PAX5: variants seen among roughly 807,000 people sequenced by gnomAD.
PAX5 encodes paired box 5.
In PAX5, 9 loss-of-function variants were observed where a neutral mutation model predicts 43.7. That is an observed-to-expected ratio of 0.21 (90% CI 0.12 to 0.36). The LOEUF (loss-of-function observed/expected upper bound fraction) is 0.36. PAX5 is among the 10% of genes least tolerant of loss of function. The probability of loss-of-function intolerance (pLI) is 1.00; values close to 1 mark genes in which losing one functional copy is unlikely to be tolerated. For synonymous variants in PAX5, 228 were observed against 214.3 expected, an observed-to-expected ratio of 1.06 and a Z score of -0.56; for missense variants, 383 against 532.7, an observed-to-expected ratio of 0.72 and a Z score of 2.77.
At chr9:36,896,473 C>G (rs1184210467) in intron 7 of PAX5, among the ~76,000 whole-genome samples, 2 of 152,090 alleles carry the variant, frequency 1.3e-5, no homozygotes, top group African/African-American at 2.4e-5. Flanking sequence ...CCCACAGAGG[C>G]ACCTCCCAGG....
intron 3 of PAX5, among the ~76,000 whole-genome samples, chr9:37,012,613 C>T (rs1839039316): frequency 6.6e-6 from 1 of 152,226 alleles, no homozygotes; most frequent in Non-Finnish European, 1.5e-5. Context: ...CCACACATCC[C>T]ATGCCCCTTC....
chr9:36,854,799 G>A (rs1823500586), intron 8 of PAX5, among the ~76,000 whole-genome samples: 3 of 152,204 alleles, frequency 2.0e-5, no homozygotes, highest in Non-Finnish European at 2.9e-5. Context: ...GGCCAGCCAC[G>A]AGGGCCTTCA....
chr9:36,978,982 G>A (rs1835685878), intron 5 of PAX5, among the ~76,000 whole-genome samples: 1 of 152,178 alleles, frequency 6.6e-6, no homozygotes, highest in African/African-American at 2.4e-5. Context: ...CTGGTGAAAT[G>A]AAGCTGAAAT....
At chr9:36,857,322 T>C (rs1823775169) in intron 8 of PAX5, among the ~76,000 whole-genome samples, 1 of 152,242 alleles carries the variant, frequency 6.6e-6, no homozygotes, top group Non-Finnish European at 1.5e-5. Flanking sequence ...ACTCCTATAC[T>C]GGTGATGCTG....
At position 36,834,637 on chromosome 9, in the gene PAX5, A is replaced by G. The variant is rs140142013; in HGVS notation, c.*5923T>C. On this transcript the variant is annotated 3_prime_UTR_variant, in exon 10 of 10. Coordinates refer to ENST00000358127, the MANE Select transcript of PAX5 (RefSeq NM_016734.3). ...CAAATACAATAAAATAGTTTCATTA[A>G]AATGTATTCATGCTTGAAAAGAAGG... 756 of 233,306 alleles carry G rather than the reference A, an allele frequency of 3.2e-3. 6 individuals are homozygous for G. The highest frequency in any genetic ancestry group is 0.015 in the African/African-American group (683 of 45,466). The allele number at this position is 233,306 out of a possible 1,614,324, so 14.5% of individuals were successfully genotyped here.
intron 7 of PAX5, among the ~76,000 whole-genome samples, chr9:36,921,925 C>A (rs1249768084): frequency 6.6e-6 from 1 of 152,130 alleles, no homozygotes; most frequent in Non-Finnish European, 1.5e-5. Context: ...GGGAGGGGAC[C>A]CCCTCGGACA....
At chr9:36,984,253 C>T (rs187274216) in intron 5 of PAX5, among the ~76,000 whole-genome samples, 1 of 152,124 alleles carries the variant, frequency 6.6e-6, no homozygotes, top group African/African-American at 2.4e-5. Flanking sequence ...AAGAGCAAGG[C>T]AGGTGGGACT....
rs551775322 is a variant in PAX5 at position 36,996,568 on chromosome 9, G to A, written c.604+6080C>T. On this transcript the variant is annotated intron_variant, in intron 5 of 9. Transcript: ENST00000358127. ...CCATCCCTTCTGGGAGCTCTGAGAG[G>A]GCTCTCCCCACTTCCTGCTTCTGTT... is the stretch of plus-strand genomic sequence containing the variant. 1.4e-4 allele frequency among the ~76,000 whole-genome samples: 21 copies of A among 152,304 alleles called. No homozygotes were observed. The South Asian group carries it at 4.4e-3, about 32-fold the overall frequency.
chr9:37,001,875 T>C (rs1310450955), intron 5 of PAX5, among the ~76,000 whole-genome samples: 2 of 149,322 alleles, frequency 1.3e-5, no homozygotes, highest in African/African-American at 5.0e-5. Flanking sequence ...AGGGGGTCTT[T>C]TCTCCTCTCA....
chr9:36,949,559 T>C (rs1044711464), intron 6 of PAX5, among the ~76,000 whole-genome samples: 1 of 152,216 alleles, frequency 6.6e-6, no homozygotes, highest in Non-Finnish European at 1.5e-5. Context: ...TAAGCCTACA[T>C]TCACTTTTAT....
At chr9:36,849,729 C>T (rs1407726046) in intron 8 of PAX5, among the ~76,000 whole-genome samples, 4 of 152,226 alleles carry the variant, frequency 2.6e-5, no homozygotes, top group African/African-American at 9.6e-5. Flanking sequence ...AATGAGCCTA[C>T]CAGGGACTGG....
At chr9:36,904,945 A>G (rs1587928045) in intron 7 of PAX5, among the ~76,000 whole-genome samples, 1 of 152,358 alleles carries the variant, frequency 6.6e-6, no homozygotes, top group Middle Eastern at 3.4e-3. Context: ...CTAAGAAGAA[A>G]GTTAGGCTGG....
At chr9:37,032,227 C>G (rs3739442) in intron 1 of PAX5, among the ~76,000 whole-genome samples, 5,143 of 151,394 alleles carry the variant, frequency 0.034, 256 homozygotes, top group East Asian at 0.16. Context: ...AATGATTATT[C>G]AGGCAATTGA....
chr9:36,999,456 G>C lies in PAX5; in HGVS notation c.604+3192C>G, dbSNP rs565608254. Among the ~76,000 whole-genome samples the C allele has an allele frequency of 2.0e-5, 3 of 152,306 alleles. No individual in the cohort carries two copies. In the South Asian group the frequency reaches 6.2e-4, roughly 32 times the overall value. ...CTCGCCACCTTACCCTCTGTGGTTG[G>C]ATCCTATCACCCGTTCACCTCTGCA... On this transcript the variant is annotated intron_variant, in intron 5 of 9. Coordinates refer to ENST00000358127, the MANE Select transcript of PAX5 (RefSeq NM_016734.3).
Position 36,834,437 on chromosome 9 carries a change from TGTGTG to T in PAX5, c.*6118_*6122del, listed in dbSNP as rs1821502670. ...GAGTGAGTGTGTGTGTGTGTGTGTGTGTGTGTGTGTGTGTGTTTACATGCTCGTGC... is the reference window on the plus strand; with the variant it reads ...GAGTGAGTGTGTGTGTGTGTGTGTGTTGTGTGTGTGTTTACATGCTCGTGC... On this transcript the variant is annotated 3_prime_UTR_variant, in exon 10 of 10. Coordinates refer to ENST00000358127, the MANE Select transcript of PAX5 (RefSeq NM_016734.3). The T allele has an allele frequency of 6.0e-5, 14 of 233,336 alleles. 1 individual carries two copies. The South Asian group carries it at 2.4e-3, about 39-fold the overall frequency. 14.5% of individuals were successfully genotyped at this position (233,336 alleles called of 1,614,324 possible). A position where few individuals can be genotyped will look rare whatever the true frequency, so the allele number is the denominator to read the frequency against.
intron 5 of PAX5, among the ~76,000 whole-genome samples, chr9:36,979,916 T>C (rs1293926866): frequency 6.6e-6 from 1 of 152,170 alleles, no homozygotes; most frequent in Non-Finnish European, 1.5e-5. Flanking sequence ...GGCAATAAAC[T>C]GTTGCCCCAA....
chr9:36,896,278 G>A (rs1256957078), intron 7 of PAX5, among the ~76,000 whole-genome samples: 3 of 152,054 alleles, frequency 2.0e-5, no homozygotes, highest in African/African-American at 7.2e-5. Flanking sequence ...GGTCCAGGGG[G>A]CAACGGGATA....
At chr9:36,952,501 T>C (rs1833097043) in intron 6 of PAX5, among the ~76,000 whole-genome samples, 1 of 152,206 alleles carries the variant, frequency 6.6e-6, no homozygotes, top group Non-Finnish European at 1.5e-5. Flanking sequence ...ATTGGATTCA[T>C]ATCTACTACG....
chr9:36,949,558 A>C (rs893563622), intron 6 of PAX5, among the ~76,000 whole-genome samples: 6 of 152,228 alleles, frequency 3.9e-5, no homozygotes, highest in African/African-American at 1.4e-4. Flanking sequence ...GTAAGCCTAC[A>C]TTCACTTTTA....
Sources: allele counts gnomAD v4.1 joint callset (sites outside exome capture counted in the v4.1 genomes callset), GRCh38; gene constraint gnomAD v4.1.1; transcripts MANE v1.5; gene names NCBI Gene and HGNC (gene_info 2026-07-23, HGNC 2026-07-21).